MKRN2: variants seen among roughly 807,000 people sequenced by gnomAD.
The protein encoded by MKRN2 is makorin ring finger protein 2.
Under a neutral mutation model 45.4 loss-of-function variants are expected in MKRN2, and 32 were observed. The observed-to-expected ratio is 0.70, with a 90% CI of 0.53 to 0.95. MKRN2 has a LOEUF of 0.95. Among genes scored for constraint, MKRN2 ranks in the 40% least tolerant of loss-of-function variants. The probability of loss-of-function intolerance (pLI) is 0.00; values close to 1 mark genes in which losing one functional copy is unlikely to be tolerated. For missense variants in MKRN2, 526 were observed against 536.7 expected (o/e 0.98, Z 0.20); for synonymous variants, 206 against 192.4 (o/e 1.07, Z -0.59).
Position 12,582,443 on chromosome 3 carries a change from C to A in MKRN2, c.*190C>A. On this transcript the variant is annotated 3_prime_UTR_variant, in exon 8 of 8. Transcript: ENST00000170447. ...GGAAGAGTGAAAGATATAAAGTAAC[C>A]TAATTAAATGTATGGAATTGCTATT... 1.5e-6 allele frequency: 1 copy of A among 680,816 alleles called. No homozygotes were observed. Among genetic ancestry groups the A allele is most frequent in the Non-Finnish European group, 2.4e-6 (1 of 417,468 alleles). 42.2% of individuals were successfully genotyped at this position (680,816 alleles called of 1,614,324 possible).
chr3:12,576,933 GTTTTT>G (rs71063832), intron 6 of MKRN2, 192 bp downstream of exon 6: 40 of 55,978 alleles, frequency 7.1e-4, no homozygotes, highest in African/African-American at 2.2e-3. Context: ...TAGTTTTGGT[GTTTTT>G]TTTTTTTTTT....
At chr3:12,576,933 G>GTTTTTGTTTGT (rs56380121) in intron 6 of MKRN2, 192 bp downstream of exon 6, 1 of 55,244 alleles carries the variant, frequency 1.8e-5, no homozygotes, top group Non-Finnish European at 3.1e-5. Flanking sequence ...TAGTTTTGGT[G>GTTTTTGTTTGT]TTTTTTTTTT....
At chr3:12,558,440 T>C (rs1388812098) in intron 1 of MKRN2, among the ~76,000 whole-genome samples, 1 of 152,176 alleles carries the variant, frequency 6.6e-6, no homozygotes, top group Admixed American at 6.5e-5. Context: ...GCTTGTAGCC[T>C]CCTAGAAAAA....
chr3:12,575,431 C>G (rs1292122858), intron 5 of MKRN2, among the ~76,000 whole-genome samples: 3 of 152,192 alleles, frequency 2.0e-5, no homozygotes, highest in Non-Finnish European at 4.4e-5. Context: ...GTAAAACATT[C>G]TGCATGATGC....
At chr3:12,576,595 A>G (rs1353885338) in intron 5 of MKRN2, 36 bp from the exon 6 acceptor site, 5 of 1,485,964 alleles carry the variant, frequency 3.4e-6, no homozygotes, top group Admixed American at 1.7e-5. Context: ...GCTTCGTAAC[A>G]TGACTTCTCC....
At chr3:12,563,342 C>G (rs114010608) in intron 1 of MKRN2, among the ~76,000 whole-genome samples, 3 of 152,238 alleles carry the variant, frequency 2.0e-5, no homozygotes, top group African/African-American at 7.2e-5. Flanking sequence ...GGGAGAGAAA[C>G]AGGTGGAGAA....
intron 1 of MKRN2, among the ~76,000 whole-genome samples, chr3:12,559,203 G>T (rs1030974118): frequency 6.6e-6 from 1 of 152,094 alleles, no homozygotes; most frequent in Non-Finnish European, 1.5e-5. Flanking sequence ...AACATAACAG[G>T]TGTTTTAAGT....
At chr3:12,580,156 C>T (rs916358772) in intron 6 of MKRN2, among the ~76,000 whole-genome samples, 12 of 152,196 alleles carry the variant, frequency 7.9e-5, no homozygotes, top group Admixed American at 3.3e-4. Context: ...GGCTTTTGGC[C>T]TTGGTGACCA....
At chr3:12,576,539 A>T in intron 5 of MKRN2, 92 bp from the exon 6 acceptor site, 1 of 782,110 alleles carries the variant, frequency 1.3e-6, no homozygotes, top group Non-Finnish European at 2.1e-6. Context: ...AAATGCCTGT[A>T]GTGGTGAGGC....
At chr3:12,575,891 C>T (rs1446483949) in intron 5 of MKRN2, among the ~76,000 whole-genome samples, 1 of 152,150 alleles carries the variant, frequency 6.6e-6, no homozygotes, top group African/African-American at 2.4e-5. Flanking sequence ...ATTGTATGGA[C>T]GCAGCACATT....
chr3:12,581,690 A>G, intron 6 of MKRN2, 118 bp from the exon 7 acceptor site: 2 of 1,120,064 alleles, frequency 1.8e-6, no homozygotes, highest in South Asian at 2.9e-5. Context: ...TGCCCCACCT[A>G]GAATGTGAGG....
At chr3:12,563,860 A>T (rs893056095) in intron 1 of MKRN2, among the ~76,000 whole-genome samples, 4 of 27,132 alleles carry the variant, frequency 1.5e-4, no homozygotes, top group African/African-American at 6.3e-4. Context: ...CCATTAGCGC[A>T]CGCTTGAGTT....
intron 1 of MKRN2, among the ~76,000 whole-genome samples, chr3:12,558,806 G>T (rs577328140): frequency 6.6e-6 from 1 of 152,154 alleles, no homozygotes; most frequent in African/African-American, 2.4e-5. Context: ...GTTGAGAAGG[G>T]ATCACTTCTG....
At chr3:12,579,933 A>AC (rs916392204) in intron 6 of MKRN2, among the ~76,000 whole-genome samples, 1 of 152,210 alleles carries the variant, frequency 6.6e-6, no homozygotes, top group East Asian at 1.9e-4. Flanking sequence ...AGAAAAAAAA[A>AC]AGGTTGGGAA....
chr3:12,578,858 ATTTTTTTT>A (rs374121518), intron 6 of MKRN2, among the ~76,000 whole-genome samples: 2 of 125,230 alleles, frequency 1.6e-5, no homozygotes, highest in Non-Finnish European at 3.3e-5. Context: ...CTAAAGCTTG[ATTTTTTTT>A]TTTTTTTTTT....
chr3:12,578,851 A>G (rs1371154851), intron 6 of MKRN2, among the ~76,000 whole-genome samples: 1 of 147,918 alleles, frequency 6.8e-6, no homozygotes, highest in African/African-American at 2.5e-5. Flanking sequence ...TAGTTTACTA[A>G]AGCTTGATTT....
chr3:12,560,441 C>CA (rs1346098957), intron 1 of MKRN2, among the ~76,000 whole-genome samples: 1 of 132,488 alleles, frequency 7.5e-6, no homozygotes, highest in African/African-American at 3.0e-5. Context: ...GGAGTATAGC[C>CA]GTAAAATTTT....
chr3:12,563,923 A>G (rs2058055084), intron 1 of MKRN2, among the ~76,000 whole-genome samples: 2 of 149,918 alleles, frequency 1.3e-5, no homozygotes, highest in East Asian at 2.0e-4. Flanking sequence ...CGGGTGTGCA[A>G]ATGTTTGTTT....
intron 6 of MKRN2, among the ~76,000 whole-genome samples, chr3:12,578,154 CCTTA>C (rs1265238477): frequency 6.6e-6 from 1 of 152,018 alleles, no homozygotes; most frequent in Non-Finnish European, 1.5e-5. Flanking sequence ...TTCACAGGCC[CCTTA>C]CTTTGTGGGA....
Sources: allele counts gnomAD v4.1 joint callset (sites outside exome capture counted in the v4.1 genomes callset), GRCh38; gene constraint gnomAD v4.1.1; transcripts MANE v1.5; gene names NCBI Gene and HGNC (gene_info 2026-07-23, HGNC 2026-07-21).